PCDH11X: variants seen among roughly 807,000 people sequenced by gnomAD.
The protein encoded by PCDH11X is protocadherin-11 X-linked.
A neutral mutation model predicts 53.3 loss-of-function variants in PCDH11X; 18 were observed. That is an observed-to-expected ratio of 0.34 (90% CI 0.23 to 0.50). PCDH11X has a LOEUF of 0.50. Among genes scored for constraint, PCDH11X ranks in the 20% least tolerant of loss-of-function variants. The pLI is 0.98. For missense variants in PCDH11X, 570 were observed against 1,032.4 expected (o/e 0.55, Z 6.14); for synonymous variants, 279 against 393.3 (o/e 0.71, Z 3.44).
chrX:92,431,807 C>CT (rs1251983395), intron 9 of PCDH11X, among the ~76,000 whole-genome samples: 4 of 108,605 alleles, frequency 3.7e-5, no homozygotes, highest in Admixed American at 3.0e-4. Context: ...AGAAGCTCAT[C>CT]TTTTTTTTAC....
chrX:92,031,345 C>T (rs2562905), intron 6 of PCDH11X, among the ~76,000 whole-genome samples: 33,698 of 104,374 alleles, frequency 0.32, 6,730 homozygotes, highest in African/African-American at 0.63. Flanking sequence ...TTTTTTCCTA[C>T]AGAGTTGTTT....
intron 4 of PCDH11X, among the ~76,000 whole-genome samples, chrX:91,815,288 G>T (rs953042295): frequency 1.1e-4 from 12 of 111,653 alleles, no homozygotes; most frequent in African/African-American, 3.6e-4. Flanking sequence ...ACATTTTTTA[G>T]TATTGGAAAT....
chrX:92,341,701 C>A (rs970190540), intron 8 of PCDH11X, among the ~76,000 whole-genome samples: 9 of 111,087 alleles, frequency 8.1e-5, no homozygotes, highest in African/African-American at 1.6e-4. Context: ...CTAAACCATT[C>A]GTGAGTCGTC....
In PCDH11X at chrX:92,599,883, T is replaced by C. The variant is rs1223878771; in HGVS notation, c.3368-18381T>C. Among the ~76,000 whole-genome samples, 6 of 111,255 alleles carry C rather than the reference T, an allele frequency of 5.4e-5. No homozygotes were observed. The Admixed American group carries it at 5.7e-4, about 11-fold the overall frequency. ...AGGAGATGAGGAAGTTATTGAGAACTGGAGCAAAGGTGATTATTGCTATGC... is the reference window on the plus strand; with the variant it reads ...AGGAGATGAGGAAGTTATTGAGAACCGGAGCAAAGGTGATTATTGCTATGC... On this transcript the variant is annotated intron_variant, in intron 10 of 10. Transcript: ENST00000682573.
intron 6 of PCDH11X, among the ~76,000 whole-genome samples, chrX:92,008,823 C>A (rs1294489997): frequency 9.0e-6 from 1 of 110,558 alleles, no homozygotes. Flanking sequence ...TTATGAGTGA[C>A]ACAAACTATT....
In PCDH11X at chrX:91,798,123, G is replaced by T. The variant is rs760208671; in HGVS notation, c.-378-11343G>T. ...TTCTCAGCCTTTTGGCTAAGATAGA[G>T]TGTAGTATCTGTTCCTATCAGTTTA... On this transcript the variant is annotated intron_variant, in intron 1 of 10. Coordinates refer to ENST00000682573, the MANE Select transcript of PCDH11X (RefSeq NM_032968.5). The T allele has an allele frequency of 3.6e-5, 4 of 110,527 alleles. No individual in the cohort carries two copies. The East Asian group carries it at 1.1e-3, about 32-fold the overall frequency. 9.1% of individuals were successfully genotyped at this position (110,527 alleles called of 1,213,427 possible).
intron 7 of PCDH11X, among the ~76,000 whole-genome samples, chrX:92,214,686 G>A (rs1422988855): frequency 5.4e-5 from 6 of 111,282 alleles, no homozygotes; most frequent in Admixed American, 2.9e-4. Context: ...AAACATGGAC[G>A]TTTAGGTTTC....
chrX:92,221,328 T>G (rs1439108564), intron 7 of PCDH11X, among the ~76,000 whole-genome samples: 1 of 63,980 alleles, frequency 1.6e-5, no homozygotes, highest in African/African-American at 5.2e-5. Flanking sequence ...CACACACACA[T>G]ATATACGAAG....
At chrX:92,203,815 C>G (rs1167491940) in intron 7 of PCDH11X, among the ~76,000 whole-genome samples, 1 of 111,747 alleles carries the variant, frequency 8.9e-6, no homozygotes, top group East Asian at 2.8e-4. Flanking sequence ...AAGTGGGGGT[C>G]ACAAGATCAG....
rs1329911000 is a variant in PCDH11X at position 91,835,072 on chromosome X, A to C, written c.-44-389A>C. On this transcript the variant is annotated intron_variant, in intron 4 of 10. Transcript: ENST00000682573. The stretch of plus-strand genomic sequence containing the variant: ...TTTTAAACCCATATTATAACAAAGA[A>C]TAATGATTATATTTTGTGATTTGTA... 8.4e-6 allele frequency: 6 copies of C among 718,121 alleles called. No individual in the cohort carries two copies. The African/African-American group carries it at 1.5e-4, about 17-fold the overall frequency. 59.2% of individuals were successfully genotyped at this position (718,121 alleles called of 1,213,427 possible). A position where few individuals can be genotyped will look rare whatever the true frequency, so the allele number is the denominator to read the frequency against.
intron 6 of PCDH11X, among the ~76,000 whole-genome samples, chrX:92,033,014 C>A: frequency 9.3e-6 from 1 of 107,046 alleles, no homozygotes; most frequent in Admixed American, 1.0e-4. Flanking sequence ...TCCATGTTGC[C>A]CAGGCTGGTC....
In PCDH11X at chrX:92,105,444, C is replaced by G. The variant is rs1402453085; in HGVS notation, c.3034-95931C>G. On this transcript the variant is annotated intron_variant, in intron 6 of 10. Coordinates refer to ENST00000682573, the MANE Select transcript of PCDH11X (RefSeq NM_032968.5). ...GAGTCACGGCACCAAATTTCATGCG[C>G]GTCCGTGTGAAGAGACCACCAAACA... is the stretch of plus-strand genomic sequence containing the variant. 1.1e-4 allele frequency among the ~76,000 whole-genome samples: 12 copies of G among 110,086 alleles called. No individual in the cohort carries two copies. In the East Asian group the frequency reaches 2.3e-3, roughly 21 times the overall value.
chrX:91,975,313 A>G (rs774094040), intron 6 of PCDH11X, among the ~76,000 whole-genome samples: 3 of 112,364 alleles, frequency 2.7e-5, no homozygotes, highest in Non-Finnish European at 3.8e-5. Flanking sequence ...GGCTTTGACA[A>G]CTGAAAGAAT....
chrX:92,552,160 T>C (rs1274978436), intron 10 of PCDH11X, among the ~76,000 whole-genome samples: 1 of 93,515 alleles, frequency 1.1e-5, no homozygotes, highest in Non-Finnish European at 2.2e-5. Flanking sequence ...TTTAACAATA[T>C]TAATTTTACC....
chrX:92,440,734 C>T (rs915392792), intron 9 of PCDH11X, among the ~76,000 whole-genome samples: 1 of 109,724 alleles, frequency 9.1e-6, no homozygotes, highest in African/African-American at 3.3e-5. Flanking sequence ...ATGTCTTTAT[C>T]AGCAGTGTGA....
intron 8 of PCDH11X, among the ~76,000 whole-genome samples, chrX:92,312,876 T>C (rs2068981179): frequency 9.0e-6 from 1 of 111,333 alleles, no homozygotes; most frequent in African/African-American, 3.3e-5. Context: ...AGGCCTAAAA[T>C]AACTAACTCC....
intron 6 of PCDH11X, among the ~76,000 whole-genome samples, chrX:92,192,500 G>A (rs6618902): frequency 0.45 from 48,210 of 107,689 alleles, 8,618 homozygotes; most frequent in Non-Finnish European, 0.56. Context: ...GCGCCAACAC[G>A]CCCAGCTAAT....
chrX:91,945,048 C>CATATATATATATATATATGT (rs1555968985), intron 6 of PCDH11X, among the ~76,000 whole-genome samples: 6 of 63,242 alleles, frequency 9.5e-5, no homozygotes, highest in African/African-American at 3.0e-4. Context: ...ACATCATATA[C>CATATATATATATATATATGT]ATATATATAT....
At chrX:91,854,534 A>T (rs1461714206) in intron 5 of PCDH11X, among the ~76,000 whole-genome samples, 12 of 112,195 alleles carry the variant, frequency 1.1e-4, no homozygotes, top group Non-Finnish European at 2.1e-4. Context: ...GGATTGCTGG[A>T]TTGTAATGGT....
Sources: gnomAD v4.1 joint callset for allele counts (sites outside exome capture counted in the v4.1 genomes callset) on GRCh38, gnomAD v4.1.1 for gene constraint, MANE v1.5 for transcripts, NCBI Gene and HGNC (gene_info 2026-07-23, HGNC 2026-07-21) for gene names.